Variants in SLC46A3 observed in about 807,000 individuals in gnomAD.
SLC46A3 encodes the protein lysosomal proton-coupled steroid conjugate and bile acid symporter SLC46A3.
Under a neutral mutation model 38.5 loss-of-function variants are expected in SLC46A3, and 26 were observed. The ratio of observed to expected loss-of-function variants is 0.68; its 90% confidence interval spans 0.49 to 0.94. The LOEUF (loss-of-function observed/expected upper bound fraction) is 0.94. Among genes scored for constraint, SLC46A3 ranks in the 40% least tolerant of loss-of-function variants. SLC46A3 has a pLI of 0.00. For synonymous variants in SLC46A3, 185 were observed against 192.5 expected (o/e 0.96, Z 0.32); for missense variants, 510 against 544.3 (o/e 0.94, Z 0.63).
At chr13:28,706,661 C>G (rs369746791) in intron 4 of SLC46A3, among the ~76,000 whole-genome samples, 1 of 152,166 alleles carries the variant, frequency 6.6e-6, no homozygotes, top group Admixed American at 6.5e-5. Context: ...ATCCTCCCAC[C>G]TCGGCCTCCC....
intron 5 of SLC46A3, among the ~76,000 whole-genome samples, chr13:28,703,014 G>T (rs568958935): frequency 2.6e-5 from 4 of 152,106 alleles, no homozygotes; most frequent in Admixed American, 2.6e-4. Flanking sequence ...AAATAAATTT[G>T]CTTGGACGTT....
Position 28,700,868 on chromosome 13 carries a change from A to G in SLC46A3, c.*629T>C. 2 of 1,115,058 alleles carry G rather than the reference A, an allele frequency of 1.8e-6. No homozygotes were observed. 69.1% of individuals were successfully genotyped at this position (1,115,058 alleles called of 1,614,324 possible). A position where few individuals can be genotyped will look rare whatever the true frequency, so the allele number is the denominator to read the frequency against. On this transcript the variant is annotated 3_prime_UTR_variant, in exon 6 of 6. Transcript: ENST00000266943. ...AGTGCCTCCCTTTTAAGGATTTTGT[A>G]TCAACAAAGCACTGATTGTGGAATT...
chr13:28,713,231 G>A lies in SLC46A3; in HGVS notation c.509C>T (p.Ala170Val), dbSNP rs751467257. The change falls in exon 3 of 6, where the codon GCT becomes GTT. Residue 170 changes from alanine to valine, a missense_variant. Coordinates refer to ENST00000266943, the MANE Select transcript of SLC46A3 (RefSeq NM_181785.4). ...AAGTCCAAGTAGAAAGTCAATGATA[G>A]CTATTCGAATTGTTTTTTGTTTGTG... ...KEHKQKTIRI[A>V]IIDFLLGLVT... The A allele has an allele frequency of 2.5e-6, 4 of 1,613,978 alleles. No homozygotes were observed. In the Admixed American group the frequency reaches 5.0e-5, roughly 20 times the overall value.
chr13:28,709,970 AT>A (rs1885297208), intron 4 of SLC46A3, among the ~76,000 whole-genome samples: 1 of 152,214 alleles, frequency 6.6e-6, no homozygotes, highest in African/African-American at 2.4e-5. Context: ...TATATATTAT[AT>A]TCTTAGGATT....
chr13:28,714,655 A>C (rs1885477479), intron 2 of SLC46A3, among the ~76,000 whole-genome samples: 1 of 152,238 alleles, frequency 6.6e-6, no homozygotes, highest in Non-Finnish European at 1.5e-5. Context: ...AGGCTGAGGC[A>C]GAAGAATTGC....
At position 28,704,033 on chromosome 13, in the gene SLC46A3, T is replaced by C. The variant is rs1426001397; in HGVS notation, c.1211A>G (p.Asn404Ser). ...AGCAACAGTGGCTGAGTAAATTCCATTAAAAGTAGAAACTGCAGTGACTCC... is the reference window on the plus strand; with the variant it reads ...AGCAACAGTGGCTGAGTAAATTCCACTAAAAGTAGAAACTGCAGTGACTCC... ...LGGVTAVSTFNGIYSATVAWY... is the reference protein window; with the variant it reads ...LGGVTAVSTFSGIYSATVAWY... Residue 404 changes from asparagine to serine, a missense_variant, in exon 5 of 6, where the codon AAT (asparagine) becomes AGT (serine). Physicochemically the swap from Asn to Ser is conservative, Grantham distance 46. Coordinates refer to ENST00000266943, the MANE Select transcript of SLC46A3 (RefSeq NM_181785.4). 2 of 1,613,422 alleles carry C rather than the reference T, an allele frequency of 1.2e-6. No homozygotes were observed. The highest frequency in any genetic ancestry group is 1.7e-6 in the Non-Finnish European group (2 of 1,179,810).
chr13:28,709,805 C>T (rs1198096574), intron 4 of SLC46A3, among the ~76,000 whole-genome samples: 3 of 152,200 alleles, frequency 2.0e-5, no homozygotes, highest in Non-Finnish European at 4.4e-5. Flanking sequence ...TGGGGCATCT[C>T]TCTGGCTGCC....
At position 28,710,817 on chromosome 13, in the gene SLC46A3, C is replaced by T; in HGVS notation, c.1087G>A (p.Val363Met). 1.2e-6 allele frequency: 2 copies of T among 1,613,900 alleles called. No homozygotes were observed. Among genetic ancestry groups the T allele is most frequent in the Non-Finnish European group, 1.7e-6 (2 of 1,179,946 alleles). The change falls in exon 4 of 6, where the codon GTG (valine) becomes ATG (methionine). Residue 363 changes from valine to methionine, a missense_variant. By Grantham distance (21) the Val-to-Met change is conservative (BLOSUM62 1). Coordinates refer to ENST00000266943, the MANE Select transcript of SLC46A3 (RefSeq NM_181785.4). ...ATGGACCGTAGAACAGAGAATGGCACAATAGTGAAAAGGAACGGCACCCTG... is the reference window on the plus strand; with the variant it reads ...ATGGACCGTAGAACAGAGAATGGCATAATAGTGAAAAGGAACGGCACCCTG... ...LARVPFLFTI[V>M]PFSVLRSMLS... is the part of the protein sequence containing the mutation.
In SLC46A3 at chr13:28,700,495, T is replaced by C. The variant is rs1771161; in HGVS notation, c.*1002A>G. On this transcript the variant is annotated 3_prime_UTR_variant, in exon 6 of 6. Transcript: ENST00000266943. Reference sequence around the variant, plus strand: ...GATCATTTTCCTATGAGTGACCGTGTTGACGGATTCAAATTTAAGGAGTAC... The same window carrying C: ...GATCATTTTCCTATGAGTGACCGTGCTGACGGATTCAAATTTAAGGAGTAC... 150,675 of 155,318 alleles carry C rather than the reference T, an allele frequency of 0.97. 73,177 individuals are homozygous for C. Among genetic ancestry groups the C allele is most frequent in the East Asian group, 1 (5,244 of 5,244 alleles). 9.6% of individuals were successfully genotyped at this position (155,318 alleles called of 1,614,324 possible).
rs974295071 is a variant in SLC46A3 at position 28,700,761 on chromosome 13, A to G, written c.*736T>C. 1.8e-5 allele frequency: 9 copies of G among 488,892 alleles called. No homozygotes were observed. In the East Asian group the frequency reaches 2.9e-4, roughly 16 times the overall value. 30.3% of individuals were successfully genotyped at this position (488,892 alleles called of 1,614,324 possible). A position where few individuals can be genotyped will look rare whatever the true frequency, so the allele number is the denominator to read the frequency against. On this transcript the variant is annotated 3_prime_UTR_variant, in exon 6 of 6. Transcript: ENST00000266943. ...TTTATTTATCATCTATTTTTTCCCA[A>G]TTACCCATTACATATAGAAATATTA...
At chr13:28,712,449 T>C (rs1263439699) in intron 3 of SLC46A3, among the ~76,000 whole-genome samples, 3 of 152,196 alleles carry the variant, frequency 2.0e-5, no homozygotes, top group Non-Finnish European at 2.9e-5. Flanking sequence ...CAAAACAATT[T>C]TGAGGCAAAT....
At position 28,701,229 on chromosome 13, in the gene SLC46A3, T is replaced by C. The variant is rs2137816248; in HGVS notation, c.*268A>G. The C allele has an allele frequency of 7.2e-7, 1 of 1,392,226 alleles. No homozygotes were observed. Among genetic ancestry groups the C allele is most frequent in the East Asian group, 2.6e-5 (1 of 38,022 alleles). The allele number at this position is 1,392,226 out of a possible 1,614,324, so 86.2% of individuals were successfully genotyped here. ...TCCTTACACCCTTAAGTTTTAATGT[T>C]TCTCTTCTAAGTCTAAAAGTGAGGC... On this transcript the variant is annotated 3_prime_UTR_variant, in exon 6 of 6. Transcript: ENST00000266943.
intron 2 of SLC46A3, 125 bp downstream of exon 2, chr13:28,717,685 G>T: frequency 5.8e-6 from 5 of 858,208 alleles, no homozygotes; most frequent in Non-Finnish European, 7.1e-6. Flanking sequence ...CATTAGGTTT[G>T]GGATTTAGGA....
chr13:28,712,347 T>C (rs540935676), intron 3 of SLC46A3, among the ~76,000 whole-genome samples: 1 of 152,344 alleles, frequency 6.6e-6, no homozygotes, highest in South Asian at 2.1e-4. Flanking sequence ...CTAAATATTT[T>C]TATGGGAAGT....
At chr13:28,706,079 T>A (rs924982125) in intron 4 of SLC46A3, among the ~76,000 whole-genome samples, 1 of 151,168 alleles carries the variant, frequency 6.6e-6, no homozygotes, top group Non-Finnish European at 1.5e-5. Flanking sequence ...TAAATTCTGT[T>A]TTTTTTTAAT....
chr13:28,718,040 G>C lies in SLC46A3; in HGVS notation c.-24-18C>G. ...GCTGTATTCTATAAAAAGTGAAAACGGAGAAAGATCATCTGTCTCATCCCA... is the reference window on the plus strand; with the variant it reads ...GCTGTATTCTATAAAAAGTGAAAACCGAGAAAGATCATCTGTCTCATCCCA... On this transcript the variant is annotated intron_variant, in intron 1 of 5. Coordinates refer to ENST00000266943, the MANE Select transcript of SLC46A3 (RefSeq NM_181785.4). 6.4e-7 allele frequency: 1 copy of C among 1,571,888 alleles called. No individual in the cohort carries two copies. The highest frequency in any genetic ancestry group is 8.6e-7 in the Non-Finnish European group (1 of 1,156,204).
At chr13:28,711,103 A>G (rs1885328038) in intron 3 of SLC46A3, among the ~76,000 whole-genome samples, 1 of 152,176 alleles carries the variant, frequency 6.6e-6, no homozygotes, top group South Asian at 2.1e-4. Flanking sequence ...TTTTAGGTCT[A>G]GATCTATTTA....
chr13:28,713,586 G>C, intron 2 of SLC46A3, 36 bp from the exon 3 acceptor site: 3 of 1,558,850 alleles, frequency 1.9e-6, no homozygotes, highest in Non-Finnish European at 2.6e-6. Flanking sequence ...TGTGTTTACA[G>C]TAGTTAACAC....
At chr13:28,709,108 G>T (rs149980396) in intron 4 of SLC46A3, among the ~76,000 whole-genome samples, 12,316 of 151,886 alleles carry the variant, frequency 0.081, 587 homozygotes, top group Middle Eastern at 0.14. Flanking sequence ...GATTACCTGA[G>T]GTCAGGAGTT....
Sources: gnomAD v4.1 joint callset for allele counts (sites outside exome capture counted in the v4.1 genomes callset) on GRCh38, gnomAD v4.1.1 for gene constraint, MANE v1.5 for transcripts, NCBI Gene and HGNC (gene_info 2026-07-23, HGNC 2026-07-21) for gene names.